The following PCDHGA8 variants were observed in gnomAD, a reference collection of about 807,000 sequenced individuals.
PCDHGA8 encodes the protein protocadherin gamma subfamily A, 8.
A neutral mutation model predicts 59.2 loss-of-function variants in PCDHGA8; 45 were observed. The ratio of observed to expected loss-of-function variants is 0.76; its 90% CI spans 0.60 to 0.98. The LOEUF (loss-of-function observed/expected upper bound fraction) is 0.98, where lower values mean the gene tolerates loss of function less well. Ranked by LOEUF, PCDHGA8 falls within the 50% of genes least tolerant of loss-of-function variation. The pLI, the probability that PCDHGA8 is intolerant of heterozygous loss-of-function variation, is 0.00. For missense variants in PCDHGA8, 1,257 were observed against 1,196.2 expected (o/e 1.05, Z -0.75); for synonymous variants, 531 against 519.0 (o/e 1.02, Z -0.32).
At chr5:141,423,147 G>A (rs545052756) in intron 1 of PCDHGA8, 4 of 1,613,578 alleles carry the variant, frequency 2.5e-6, no homozygotes, top group African/African-American at 2.7e-5. Context: ...ACGCGCTCAA[G>A]CAGAGCCTCG....
chr5:141,487,459 T>A lies in PCDHGA8; in HGVS notation c.2425-7348T>A. The A allele has an allele frequency of 1.2e-6, 2 of 1,614,102 alleles. No homozygotes were observed. Among genetic ancestry groups the A allele is most frequent in the Non-Finnish European group, 1.7e-6 (2 of 1,180,008 alleles). On this transcript the variant is annotated intron_variant, in intron 1 of 3. Transcript: ENST00000398604. The surrounding 1 kb of genome is among the most constrained non-coding windows in gnomAD (Gnocchi z 5.0). ...TAGGGTCAGATGACCCTATCAAGTT[T>A]GTTGATGTGGGAGGCCACTCTCATG...
At position 141,393,203 on chromosome 5, in the gene PCDHGA8, C is replaced by T. The variant is rs988866288; in HGVS notation, c.390C>T (p.Asn130=). 6.2e-7 allele frequency: 1 copy of T among 1,613,514 alleles called. No individual in the cohort carries two copies. The highest frequency in any genetic ancestry group is 1.7e-5 in the Admixed American group (1 of 60,022). Residue 130 remains asparagine, a synonymous_variant, in exon 1 of 4, where the codon AAC becomes AAT. Coordinates refer to ENST00000398604, the MANE Select transcript of PCDHGA8 (RefSeq NM_032088.2). ...EIEIIDINDN[N]PKFQVEDLEV... ...AAATAATTGATATTAACGATAATAA[C>T]CCAAAATTCCAGGTCGAAGATCTAG...
intron 1 of PCDHGA8, chr5:141,404,208 A>G (rs1411239715): frequency 6.2e-7 from 1 of 1,613,782 alleles, no homozygotes; most frequent in Admixed American, 1.7e-5. Flanking sequence ...TCAGAATATA[A>G]TATCACGGTG....
intron 2 of PCDHGA8, among the ~76,000 whole-genome samples, chr5:141,501,802 C>T (rs2099811151): frequency 1.3e-5 from 2 of 152,154 alleles, no homozygotes; most frequent in Non-Finnish European, 2.9e-5. Context: ...ATCTCTTACC[C>T]AGCTTCACAT....
intron 1 of PCDHGA8, chr5:141,405,458 T>C (rs2094670240): frequency 2.4e-6 from 3 of 1,231,152 alleles, no homozygotes; most frequent in Non-Finnish European, 2.3e-6. Flanking sequence ...CTTACTCTGT[T>C]ACCCAGGCTG....
intron 1 of PCDHGA8, chr5:141,399,237 A>G: frequency 6.2e-7 from 1 of 1,614,002 alleles, no homozygotes; most frequent in South Asian, 1.1e-5. Context: ...TACATGACCA[A>G]GATTCTGGGG....
intron 1 of PCDHGA8, chr5:141,478,694 T>G: frequency 1.3e-6 from 2 of 1,550,598 alleles, no homozygotes; most frequent in Non-Finnish European, 1.7e-6. Context: ...TAGATCAAAG[T>G]TAGTGCCTTT....
chr5:141,430,380 T>TG (rs1376875091), intron 1 of PCDHGA8, among the ~76,000 whole-genome samples: 2 of 147,890 alleles, frequency 1.4e-5, no homozygotes, highest in African/African-American at 5.0e-5. Context: ...AAAAGCTCAT[T>TG]GGGAAAAAAA....
intron 1 of PCDHGA8, chr5:141,417,692 C>A: frequency 9.2e-7 from 1 of 1,089,116 alleles, no homozygotes; most frequent in Non-Finnish European, 1.3e-6. Context: ...AAAAGAAAAC[C>A]AGCTCCCACA....
At position 141,489,384 on chromosome 5, in the gene PCDHGA8, T is replaced by G; in HGVS notation, c.2425-5423T>G. The G allele has an allele frequency of 6.2e-7, 1 of 1,613,986 alleles. No individual in the cohort carries two copies. The highest frequency in any genetic ancestry group is 1.3e-5 in the African/African-American group (1 of 75,042). On this transcript the variant is annotated intron_variant, in intron 1 of 3. Transcript: ENST00000398604. This position sits in a 1 kb window ranked among gnomAD's most constrained non-coding sequence, Gnocchi z 4.5. ...AGCCGGGGACGCTGGTGGGGAATGT[T>G]GCTCAGGATCTGGGCTTAAAGATGA...
At chr5:141,405,316 T>C (rs752153213) in intron 1 of PCDHGA8, 5 of 1,614,232 alleles carry the variant, frequency 3.1e-6, no homozygotes, top group Non-Finnish European at 4.2e-6. Context: ...GTGAGAAAAA[T>C]GAGCCTTTGT....
intron 1 of PCDHGA8, chr5:141,426,795 C>G (rs1214340018): frequency 2.2e-6 from 1 of 456,700 alleles, no homozygotes. Context: ...GAGTTACCAG[C>G]TCAGTTCTAA....
intron 1 of PCDHGA8, among the ~76,000 whole-genome samples, chr5:141,480,513 C>T (rs1376669385): frequency 7.9e-6 from 1 of 127,246 alleles, no homozygotes. Context: ...ATGAGAACAA[C>T]CAAAAATGAC....
chr5:141,427,793 G>C, intron 1 of PCDHGA8: 1 of 1,495,528 alleles, frequency 6.7e-7, no homozygotes, highest in Non-Finnish European at 9.2e-7. Flanking sequence ...CGTCCTACGT[G>C]TCCGTGAGCG....
intron 1 of PCDHGA8, chr5:141,427,612 T>G (rs975527074): frequency 2.9e-6 from 2 of 691,298 alleles, no homozygotes; most frequent in African/African-American, 1.8e-5. Flanking sequence ...ATTGGTGAAG[T>G]CAACGACAAT....
intron 1 of PCDHGA8, among the ~76,000 whole-genome samples, chr5:141,447,165 G>T (rs1192617600): frequency 6.6e-6 from 1 of 151,842 alleles, no homozygotes; most frequent in African/African-American, 2.4e-5. Flanking sequence ...TTTAAGCGGG[G>T]TCTTGCTCTT....
intron 1 of PCDHGA8, 82 bp from the exon 2 acceptor site, chr5:141,494,725 C>G: frequency 6.2e-7 from 1 of 1,610,026 alleles, no homozygotes; most frequent in East Asian, 2.2e-5. Flanking sequence ...CCCTCCTTCT[C>G]TCCCGGCCCA....
At chr5:141,419,552 C>T in intron 1 of PCDHGA8, 1 of 1,612,014 alleles carries the variant, frequency 6.2e-7, no homozygotes, top group Non-Finnish European at 8.5e-7. Flanking sequence ...GGTGCTGTAC[C>T]CTGCGCTGGG....
At chr5:141,410,337 C>T (rs1196366344) in intron 1 of PCDHGA8, 1 of 1,613,930 alleles carries the variant, frequency 6.2e-7, no homozygotes, top group Non-Finnish European at 8.5e-7. Context: ...CTGGCCATTG[C>T]CTTGCGCCTG....
Sources: gnomAD v4.1 joint callset for allele counts (sites outside exome capture counted in the v4.1 genomes callset) on GRCh38, gnomAD v4.1.1 for gene constraint, Gnocchi (gnomAD v3.1) non-coding constraint, MANE v1.5 for transcripts, NCBI Gene and HGNC (gene_info 2026-07-23, HGNC 2026-07-21) for gene names.